The following ZRANB3 variants were observed in gnomAD, a reference collection of about 807,000 sequenced individuals.
The protein encoded by ZRANB3 is DNA annealing helicase and endonuclease ZRANB3.
In ZRANB3, 125 loss-of-function variants were observed where a neutral mutation model predicts 133.8. The observed-to-expected ratio is 0.93, with a 90% CI of 0.81 to 1.08. The LOEUF is 1.08. Among genes scored for constraint, ZRANB3 ranks in the 50% least tolerant of loss-of-function variants. ZRANB3 has a pLI of 0.00. For synonymous variants in ZRANB3, 387 were observed against 432.7 expected (o/e 0.89, Z 1.31); for missense variants, 1,229 against 1,275.5 (o/e 0.96, Z 0.56).
chr2:135,241,904 G>C (rs1314621797), intron 12 of ZRANB3, among the ~76,000 whole-genome samples: 1 of 152,166 alleles, frequency 6.6e-6, no homozygotes, highest in Non-Finnish European at 1.5e-5. Context: ...CTGAGGCCAG[G>C]CATGGTGGCT....
rs375749280 is a variant in ZRANB3, at chr2:135,272,372, T to C, written c.1087-485A>G. Among the ~76,000 whole-genome samples, 3 of 150,942 alleles carry C rather than the reference T, an allele frequency of 2.0e-5. No homozygotes were observed. The East Asian group carries it at 5.8e-4, about 29-fold the overall frequency. ...TCACGGATTCATGAAGAGTAGTACA[T>C]TTATTTCTGAAATATCCCAAATATT... On this transcript the variant is annotated intron_variant, in intron 9 of 20. Coordinates refer to ENST00000264159, the MANE Select transcript of ZRANB3 (RefSeq NM_032143.4).
chr2:135,297,619 A>G (rs1387158634), intron 8 of ZRANB3, among the ~76,000 whole-genome samples: 1 of 152,134 alleles, frequency 6.6e-6, no homozygotes, highest in East Asian at 1.9e-4. Flanking sequence ...AGTGAGATGA[A>G]CCCGGTACCT....
At chr2:135,370,695 G>A (rs1393170396) in intron 3 of ZRANB3, among the ~76,000 whole-genome samples, 1 of 152,198 alleles carries the variant, frequency 6.6e-6, no homozygotes, top group African/African-American at 2.4e-5. Flanking sequence ...AAAGTTGGGA[G>A]CCTTTATGTA....
At chr2:135,301,655 C>A (rs1379851191) in intron 8 of ZRANB3, among the ~76,000 whole-genome samples, 1 of 152,154 alleles carries the variant, frequency 6.6e-6, no homozygotes, top group Non-Finnish European at 1.5e-5. Flanking sequence ...AAATACATTC[C>A]ACCAGCTCAT....
intron 1 of ZRANB3, among the ~76,000 whole-genome samples, chr2:135,514,359 C>T (rs1004192109): frequency 6.6e-6 from 1 of 152,134 alleles, no homozygotes; most frequent in African/African-American, 2.4e-5. Flanking sequence ...TCCTTCACCT[C>T]CATTGTAAGT....
chr2:135,320,580 T>A (rs1020918739), intron 6 of ZRANB3, among the ~76,000 whole-genome samples: 2 of 152,208 alleles, frequency 1.3e-5, no homozygotes, highest in Non-Finnish European at 2.9e-5. Flanking sequence ...CATACGCCTT[T>A]TAATCTCCTT....
At chr2:135,280,752 A>G (rs1681067021) in intron 8 of ZRANB3, among the ~76,000 whole-genome samples, 2 of 152,146 alleles carry the variant, frequency 1.3e-5, no homozygotes, top group African/African-American at 4.8e-5. Context: ...AATAATAAGA[A>G]AGAAAAAAAA....
At chr2:135,220,861 T>TA (rs201877480) in intron 15 of ZRANB3, among the ~76,000 whole-genome samples, 14 of 149,440 alleles carry the variant, frequency 9.4e-5, no homozygotes, top group Non-Finnish European at 1.3e-4. Context: ...GGAATTTATT[T>TA]TTTTTTTTTT....
At chr2:135,201,283 T>G (rs16831429) in intron 20 of ZRANB3, among the ~76,000 whole-genome samples, 29,500 of 152,138 alleles carry the variant, frequency 0.19, 3,854 homozygotes, top group African/African-American at 0.34. Context: ...AACTTGCACA[T>G]CTGAGAAATC....
rs58163177 is a variant in ZRANB3, at chr2:135,218,515, T to TA, written c.2352+561dup. On this transcript the variant is annotated intron_variant, in intron 16 of 20. Transcript: ENST00000264159. ...CAATGCTTCATTTCCACTCAAATGG[T>TA]AAAAAAAAAAAAATCACCATTTTCT... is the stretch of plus-strand genomic sequence containing the variant. 7.1e-3 allele frequency among the ~76,000 whole-genome samples: 1,025 copies of TA among 144,556 alleles called. 9 individuals are homozygous for TA. The highest frequency in any genetic ancestry group is 0.022 in the African/African-American group (857 of 39,724). The allele number at this position is 144,556 out of a possible 152,430, so 94.8% of individuals were successfully genotyped here.
chr2:135,205,294 C>T (rs4954227), intron 19 of ZRANB3, among the ~76,000 whole-genome samples: 1 of 152,004 alleles, frequency 6.6e-6, no homozygotes, highest in Non-Finnish European at 1.5e-5. Flanking sequence ...TTTAGAGATA[C>T]GGTCTCGCTC....
intron 3 of ZRANB3, among the ~76,000 whole-genome samples, chr2:135,379,031 G>T (rs1176248399): frequency 6.6e-6 from 1 of 152,044 alleles, no homozygotes; most frequent in Non-Finnish European, 1.5e-5. Context: ...ATGGTCTTCA[G>T]TTAATAATAA....
At chr2:135,217,703 G>T (rs1694369276) in intron 16 of ZRANB3, 96 bp from the exon 17 acceptor site, 1 of 1,422,392 alleles carries the variant, frequency 7.0e-7, no homozygotes, top group Non-Finnish European at 9.4e-7. Context: ...CTGCTATTTT[G>T]TTATGTCCCC....
At chr2:135,238,189 G>A (rs1695388263) in intron 12 of ZRANB3, among the ~76,000 whole-genome samples, 1 of 152,138 alleles carries the variant, frequency 6.6e-6, no homozygotes, top group African/African-American at 2.4e-5. Context: ...GTGGAGTTGG[G>A]AACTATGTTA....
chr2:135,293,502 C>T (rs377757351), intron 8 of ZRANB3, among the ~76,000 whole-genome samples: 29 of 152,214 alleles, frequency 1.9e-4, no homozygotes, highest in Admixed American at 6.5e-4. Flanking sequence ...TGGGCTGAGA[C>T]GATGGGGTTT....
At position 135,287,232 on chromosome 2, in the gene ZRANB3, T is replaced by C. The variant is rs187961832; in HGVS notation, c.967-11477A>G. Among the ~76,000 whole-genome samples, 3 of 152,332 alleles carry C rather than the reference T, an allele frequency of 2.0e-5. No homozygotes were observed. In the East Asian group the frequency reaches 5.8e-4, roughly 29 times the overall value. ...TTGTTGAAGATCAGTTGGCTGTAAA[T>C]ATTTGGCTTTATTTCTGGGTTCTCT... On this transcript the variant is annotated intron_variant, in intron 8 of 20. Transcript: ENST00000264159.
chr2:135,276,485 A>G (rs923338095), intron 8 of ZRANB3, among the ~76,000 whole-genome samples: 55 of 152,330 alleles, frequency 3.6e-4, no homozygotes, highest in Non-Finnish European at 4.0e-4. Context: ...AGGTAACTTG[A>G]GGCCAAGTTA....
intron 2 of ZRANB3, 41 bp downstream of exon 2, chr2:135,504,288 C>G: frequency 6.2e-7 from 1 of 1,609,494 alleles, no homozygotes; most frequent in Non-Finnish European, 8.5e-7. Context: ...ATACACTTTC[C>G]AGGAATTTAA....
chr2:135,295,146 C>T (rs941010208), intron 8 of ZRANB3, among the ~76,000 whole-genome samples: 3 of 151,424 alleles, frequency 2.0e-5, no homozygotes, highest in East Asian at 1.9e-4. Context: ...AACTTTCTGT[C>T]GCGTTTATCT....
Sources: allele counts gnomAD v4.1 joint callset (sites outside exome capture counted in the v4.1 genomes callset), GRCh38; gene constraint gnomAD v4.1.1; transcripts MANE v1.5; gene names NCBI Gene and HGNC (gene_info 2026-07-23, HGNC 2026-07-21).